NKAIN3: variants seen among roughly 807,000 people sequenced by gnomAD.
The protein encoded by NKAIN3 is sodium/potassium transporting ATPase interacting 3.
Under a neutral mutation model 30.2 loss-of-function variants are expected in NKAIN3, and 25 were observed. That is an observed-to-expected ratio of 0.83 (90% CI 0.60 to 1.16). The LOEUF is 1.16. Ranked by LOEUF, NKAIN3 falls within the 50% of genes most tolerant of loss-of-function variation. The probability of loss-of-function intolerance (pLI) is 0.00; values close to 1 mark genes in which losing one functional copy is unlikely to be tolerated. For missense variants in NKAIN3, 225 were observed against 254.1 expected, an observed-to-expected ratio of 0.89 and a Z score of 0.78; for synonymous variants, 91 against 89.6, an observed-to-expected ratio of 1.02 and a Z score of -0.09.
At chr8:62,309,745 C>T (rs1378163981) in intron 1 of NKAIN3, among the ~76,000 whole-genome samples, 1 of 150,250 alleles carries the variant, frequency 6.7e-6, no homozygotes, top group African/African-American at 2.5e-5. Context: ...ATATGTTCTG[C>T]ATCATAACTT....
chr8:62,318,610 G>T (rs1814748089), intron 1 of NKAIN3, among the ~76,000 whole-genome samples: 1 of 149,594 alleles, frequency 6.7e-6, no homozygotes, highest in African/African-American at 2.6e-5. Context: ...TTTGTCATTG[G>T]TTCTGTTTAT....
chr8:62,957,240 T>C lies in NKAIN3; in HGVS notation c.603+3268T>C, dbSNP rs550251541. ...GCTCCGCCTCCTGAGTTCACGCCAT[T>C]CTCCTGCCTCAGCCTCCTGAGTAGC... On this transcript the variant is annotated intron_variant, in intron 6 of 6. Coordinates refer to ENST00000623646, the MANE Select transcript of NKAIN3 (RefSeq NM_001304533.3). Among the ~76,000 whole-genome samples the C allele has an allele frequency of 1.8e-3, 275 of 152,152 alleles. 2 individuals are homozygous for C. Among genetic ancestry groups the C allele is most frequent in the Non-Finnish European group, 3.5e-3 (238 of 67,998 alleles).
intron 3 of NKAIN3, among the ~76,000 whole-genome samples, chr8:62,674,121 C>T (rs1355439992): frequency 6.6e-6 from 1 of 152,178 alleles, no homozygotes; most frequent in Non-Finnish European, 1.5e-5. Context: ...AATGTCCACC[C>T]TTCTTAGCAA....
intron 1 of NKAIN3, among the ~76,000 whole-genome samples, chr8:62,485,340 G>A (rs1806865470): frequency 6.6e-6 from 1 of 152,122 alleles, no homozygotes; most frequent in African/African-American, 2.4e-5. Flanking sequence ...CAAGATAGAT[G>A]TGTTTGATTA....
chr8:62,638,086 A>G (rs1235519536), intron 3 of NKAIN3, among the ~76,000 whole-genome samples: 2 of 152,134 alleles, frequency 1.3e-5, no homozygotes, highest in African/African-American at 4.8e-5. Context: ...TGGAAATGTG[A>G]CTTCCTCCAA....
chr8:62,254,556 CAT>C (rs1385536190), intron 1 of NKAIN3, among the ~76,000 whole-genome samples: 1 of 151,958 alleles, frequency 6.6e-6, no homozygotes, highest in African/African-American at 2.4e-5. Flanking sequence ...ACACAAAAAA[CAT>C]AGAGCTGGAA....
At chr8:62,986,813 C>A (rs1035528239), downstream of NKAIN3, among the ~76,000 whole-genome samples, 1 of 152,196 alleles carries the variant, frequency 6.6e-6, no homozygotes, top group African/African-American at 2.4e-5. Context: ...TGTTTTATCA[C>A]CCTGCTTAAA....
intron 3 of NKAIN3, among the ~76,000 whole-genome samples, chr8:62,716,474 T>C (rs1462326090): frequency 6.6e-6 from 1 of 152,182 alleles, no homozygotes; most frequent in East Asian, 1.9e-4. Context: ...TTAGAAGCTA[T>C]GTGGATCACT....
intron 1 of NKAIN3, among the ~76,000 whole-genome samples, chr8:62,339,062 T>C (rs1815657851): frequency 6.6e-6 from 1 of 151,972 alleles, no homozygotes. Flanking sequence ...TTAAGAAGAA[T>C]CTAAAGAATA....
intron 3 of NKAIN3, among the ~76,000 whole-genome samples, chr8:62,663,482 T>A (rs1011068500): frequency 2.0e-5 from 3 of 152,186 alleles, no homozygotes; most frequent in African/African-American, 7.2e-5. Flanking sequence ...AGCAGCTGAA[T>A]AAGATGTCCA....
chr8:62,328,971 G>A (rs1226988797), intron 1 of NKAIN3, among the ~76,000 whole-genome samples: 1 of 151,910 alleles, frequency 6.6e-6, no homozygotes, highest in African/African-American at 2.4e-5. Flanking sequence ...GTAAAAGATC[G>A]ACTTCCATCT....
chr8:62,676,491 C>G (rs986613941), intron 3 of NKAIN3, among the ~76,000 whole-genome samples: 1 of 152,178 alleles, frequency 6.6e-6, no homozygotes, highest in Non-Finnish European at 1.5e-5. Context: ...ATGGCGTGAA[C>G]GTGGGAGGCG....
rs1368561914 is a variant in NKAIN3, at chr8:62,356,859, C to A, written c.54+107732C>A. On this transcript the variant is annotated intron_variant, in intron 1 of 6. Coordinates refer to ENST00000623646, the MANE Select transcript of NKAIN3 (RefSeq NM_001304533.3). ...AGGCACGGTGGCTCATGCCTGTAAT[C>A]CCAGCATTTTGGGAGGCCGAGACAG... Among the ~76,000 whole-genome samples, 7 of 152,182 alleles carry A rather than the reference C, an allele frequency of 4.6e-5. No individual in the cohort carries two copies. The South Asian group carries it at 1.4e-3, about 32-fold the overall frequency.
chr8:62,934,334 T>C (rs1281272829), intron 5 of NKAIN3, among the ~76,000 whole-genome samples: 1 of 151,704 alleles, frequency 6.6e-6, no homozygotes, highest in African/African-American at 2.4e-5. Flanking sequence ...GCTGTGATGA[T>C]GCCACTGCAG....
At chr8:62,287,339 G>C (rs1243312598) in intron 1 of NKAIN3, among the ~76,000 whole-genome samples, 1 of 151,946 alleles carries the variant, frequency 6.6e-6, no homozygotes, top group African/African-American at 2.4e-5. Context: ...TTAATATGGA[G>C]TTTGGGTTAC....
At chr8:62,950,488 T>G (rs1823251223) in intron 5 of NKAIN3, among the ~76,000 whole-genome samples, 2 of 152,182 alleles carry the variant, frequency 1.3e-5, no homozygotes, top group Non-Finnish European at 2.9e-5. Context: ...AGTTAAATTT[T>G]TTGTAGTCTT....
In NKAIN3 at chr8:62,255,084, G is replaced by T. The variant is rs184223811; in HGVS notation, c.54+5957G>T. ...AGAATGTGATTTTATTTGGAAATGT[G>T]GTTTTTATAGAGGTTATTAAGCTAA... On this transcript the variant is annotated intron_variant, in intron 1 of 6. Transcript: ENST00000623646. Among the ~76,000 whole-genome samples, 949 of 152,180 alleles carry T rather than the reference G, an allele frequency of 6.2e-3. 2 individuals carry two copies. Among genetic ancestry groups the T allele is most frequent in the Non-Finnish European group, 0.01 (709 of 68,016 alleles).
At chr8:62,608,784 G>T (rs1195443062) in intron 3 of NKAIN3, among the ~76,000 whole-genome samples, 1 of 152,012 alleles carries the variant, frequency 6.6e-6, no homozygotes, top group Non-Finnish European at 1.5e-5. Context: ...GCTTTGGGGG[G>T]ATCTAATCAA....
chr8:62,547,549 T>A (rs747700725), intron 1 of NKAIN3, among the ~76,000 whole-genome samples: 1 of 152,208 alleles, frequency 6.6e-6, no homozygotes, highest in Non-Finnish European at 1.5e-5. Context: ...TAGAAATCTA[T>A]ATTACAGGGC....
Sources: gnomAD v4.1 joint callset for allele counts (sites outside exome capture counted in the v4.1 genomes callset) on GRCh38, gnomAD v4.1.1 for gene constraint, MANE v1.5 for transcripts, NCBI Gene and HGNC (gene_info 2026-07-23, HGNC 2026-07-21) for gene names.